Variants in SCLT1 observed in about 807,000 individuals in gnomAD.
The protein encoded by SCLT1 is sodium channel and clathrin linker 1.
SCLT1 carries 78 observed loss-of-function variants against 112.8 expected under a neutral mutation model. The observed-to-expected ratio is 0.69, with a 90% CI of 0.58 to 0.83. The LOEUF is 0.83. Ranked by LOEUF, SCLT1 falls within the 40% of genes least tolerant of loss-of-function variation. The pLI, the probability that SCLT1 is intolerant of heterozygous loss-of-function variation, is 0.00. For synonymous variants in SCLT1, 257 were observed against 254.7 expected (o/e 1.01, Z -0.09); for missense variants, 747 against 770.4 (o/e 0.97, Z 0.36).
At chr4:129,009,915 T>TA (rs1374169777) in intron 5 of SCLT1, among the ~76,000 whole-genome samples, 2 of 152,230 alleles carry the variant, frequency 1.3e-5, no homozygotes, top group African/African-American at 4.8e-5. Context: ...ACTCTGTTGA[T>TA]AGTTTCTTTT....
chr4:128,888,074 C>G (rs1248222027), intron 20 of SCLT1, among the ~76,000 whole-genome samples: 1 of 152,184 alleles, frequency 6.6e-6, no homozygotes, highest in Non-Finnish European at 1.5e-5. Context: ...TAGCTACATA[C>G]AGCTATTGAG....
At chr4:128,974,083 A>T (rs1340086223) in intron 9 of SCLT1, among the ~76,000 whole-genome samples, 1 of 152,196 alleles carries the variant, frequency 6.6e-6, no homozygotes, top group East Asian at 1.9e-4. Flanking sequence ...AGCTCACAGA[A>T]TTATAAAGTT....
chr4:129,029,425 G>C (rs1746479040), intron 5 of SCLT1, among the ~76,000 whole-genome samples: 1 of 150,922 alleles, frequency 6.6e-6, no homozygotes. Context: ...ACTGTCTCAA[G>C]GACAAAAAAC....
chr4:129,082,193 T>C (rs1752000166), intron 2 of SCLT1, 113 bp downstream of exon 2: 5 of 456,806 alleles, frequency 1.1e-5, no homozygotes, highest in Non-Finnish European at 2.0e-5. Context: ...TTACTTTCAT[T>C]AAGCAAAAAC....
chr4:129,061,152 C>T lies in SCLT1; in HGVS notation c.103-17101G>A, dbSNP rs149628224. On this transcript the variant is annotated intron_variant, in intron 2 of 20. Coordinates refer to ENST00000281142, the MANE Select transcript of SCLT1 (RefSeq NM_144643.4). ...GCATCTCAGATACCAGGGGATAAGA[C>T]ACCATGTAGTGGTGACTATAGACCC... Among the ~76,000 whole-genome samples, 845 of 152,240 alleles carry T rather than the reference C, an allele frequency of 5.6e-3. 8 individuals carry two copies. The highest frequency in any genetic ancestry group is 0.019 in the African/African-American group (780 of 41,524).
At chr4:128,917,723 AC>A (rs766221817) in intron 18 of SCLT1, among the ~76,000 whole-genome samples, 61 of 152,168 alleles carry the variant, frequency 4.0e-4, no homozygotes, top group Non-Finnish European at 4.3e-4. Context: ...TTCCAAGACA[AC>A]TTCTGAATGA....
chr4:129,035,288 G>A (rs951958552), intron 5 of SCLT1, among the ~76,000 whole-genome samples: 1 of 152,130 alleles, frequency 6.6e-6, no homozygotes, highest in African/African-American at 2.4e-5. Flanking sequence ...ACAAGGAGCA[G>A]GAAAAGGGGA....
Position 128,888,809 on chromosome 4 carries a change from C to T in SCLT1, c.1909-35G>A, listed in dbSNP as rs373819984. 7.2e-6 allele frequency: 9 copies of T among 1,254,646 alleles called. No homozygotes were observed. In the African/African-American group the frequency reaches 8.9e-5, roughly 12 times the overall value. The allele number at this position is 1,254,646 out of a possible 1,614,324, so 77.7% of individuals were successfully genotyped here. On this transcript the variant is annotated intron_variant, in intron 19 of 20. Transcript: ENST00000281142. ...GGAAATAGAAAACAAGTTAGAAATC[C>T]ATATGTGACATGGAGATGTTTTGTG...
intron 1 of SCLT1, among the ~76,000 whole-genome samples, chr4:129,087,740 G>T (rs1752513077): frequency 7.8e-6 from 1 of 127,734 alleles, no homozygotes; most frequent in Non-Finnish European, 1.6e-5. Context: ...GTGACAGTGA[G>T]ACCCTTGCGC....
chr4:129,039,912 ACAC>A, intron 4 of SCLT1: 1 of 410,084 alleles, frequency 2.4e-6, no homozygotes. Context: ...ACACACACAC[ACAC>A]ACACACACAC....
At chr4:128,896,124 A>C (rs1285370502) in intron 18 of SCLT1, among the ~76,000 whole-genome samples, 1 of 152,222 alleles carries the variant, frequency 6.6e-6, no homozygotes, top group Non-Finnish European at 1.5e-5. Context: ...GGGCATTGCC[A>C]AACAAAAGGC....
At chr4:129,083,975 G>A (rs778642105) in intron 1 of SCLT1, among the ~76,000 whole-genome samples, 27 of 152,048 alleles carry the variant, frequency 1.8e-4, no homozygotes, top group Non-Finnish European at 2.6e-4. Context: ...TTTTAAAAAA[G>A]CACCTGATGA....
At position 129,087,937 on chromosome 4, in the gene SCLT1, A is replaced by T. The variant is rs1354557971; in HGVS notation, c.34+5133T>A. Among the ~76,000 whole-genome samples, 3 of 151,808 alleles carry T rather than the reference A, an allele frequency of 2.0e-5. No homozygotes were observed. In the East Asian group the frequency reaches 5.8e-4, roughly 29 times the overall value. On this transcript the variant is annotated intron_variant, in intron 1 of 20. Coordinates refer to ENST00000281142, the MANE Select transcript of SCLT1 (RefSeq NM_144643.4). ...CCTATCTCTACAAAAAGAAAAAAAA[A>T]TTAGCCAGATATGGTGGCATGTGCC...
At chr4:129,075,370 TA>T (rs1751372471) in intron 2 of SCLT1, among the ~76,000 whole-genome samples, 1 of 152,158 alleles carries the variant, frequency 6.6e-6, no homozygotes, top group Non-Finnish European at 1.5e-5. Context: ...CATTTATCAA[TA>T]AATGTTGACG....
chr4:129,076,423 A>C (rs1579944751), intron 2 of SCLT1, among the ~76,000 whole-genome samples: 1 of 152,080 alleles, frequency 6.6e-6, no homozygotes, highest in Non-Finnish European at 1.5e-5. Context: ...CCCCCAGCAG[A>C]CTATCTCAAT....
chr4:129,030,029 C>T (rs545078415), intron 5 of SCLT1, among the ~76,000 whole-genome samples: 1 of 152,246 alleles, frequency 6.6e-6, no homozygotes, highest in South Asian at 2.1e-4. Flanking sequence ...CACCACATAC[C>T]ATGTATTCTA....
intron 4 of SCLT1, among the ~76,000 whole-genome samples, chr4:129,042,114 C>T (rs1747751906): frequency 6.6e-6 from 1 of 152,146 alleles, no homozygotes. Context: ...CCCTGCCACC[C>T]TTGCTACAAC....
chr4:129,084,214 A>C (rs977542800), intron 1 of SCLT1, among the ~76,000 whole-genome samples: 5 of 152,202 alleles, frequency 3.3e-5, no homozygotes, highest in South Asian at 4.1e-4. Context: ...AAAGACCTAA[A>C]AGACACAAAG....
downstream of SCLT1, among the ~76,000 whole-genome samples, chr4:128,882,775 G>A (rs1480415984): frequency 6.6e-6 from 1 of 152,132 alleles, no homozygotes; most frequent in East Asian, 1.9e-4. Context: ...AATATAAGAA[G>A]GGGATCTTAC....
Sources: gnomAD v4.1 joint callset for allele counts (sites outside exome capture counted in the v4.1 genomes callset) on GRCh38, gnomAD v4.1.1 for gene constraint, MANE v1.5 for transcripts, NCBI Gene and HGNC (gene_info 2026-07-23, HGNC 2026-07-21) for gene names.